Variants in PRRX2 observed in about 807,000 individuals in gnomAD.
PRRX2 encodes paired mesoderm homeobox protein 2.
PRRX2 carries 11 observed loss-of-function variants against 18.0 expected under a neutral mutation model. That is an observed-to-expected ratio of 0.61 (90% CI 0.39 to 1.01). The LOEUF is 1.01. Among genes scored for constraint, PRRX2 ranks in the 50% least tolerant of loss-of-function variants. The probability of loss-of-function intolerance (pLI) is 0.01; values close to 1 mark genes in which losing one functional copy is unlikely to be tolerated. For missense variants in PRRX2, 387 were observed against 351.0 expected (o/e 1.10, Z -0.82); for synonymous variants, 177 against 154.8 (o/e 1.14, Z -1.06).
chr9:129,716,180 C>A lies in PRRX2; in HGVS notation c.260-3051C>A, dbSNP rs143381709. Among the ~76,000 whole-genome samples the A allele has an allele frequency of 1.7e-3, 264 of 152,286 alleles. 1 individual carries two copies. Among genetic ancestry groups the A allele is most frequent in the African/African-American group, 5.6e-3 (232 of 41,570 alleles). ...ACTCATTGGCCCAGAAATTCCACTT[C>A]TAGGAATCTGTCCTAAATATACACT... On this transcript the variant is annotated intron_variant, in intron 1 of 3. Coordinates refer to ENST00000372469, the MANE Select transcript of PRRX2 (RefSeq NM_016307.4).
intron 1 of PRRX2, among the ~76,000 whole-genome samples, chr9:129,696,726 T>A (rs889834889): frequency 3.3e-5 from 5 of 151,814 alleles, no homozygotes; most frequent in African/African-American, 1.2e-4. Flanking sequence ...TCCTGCAGAG[T>A]CCCCACAAAG....
At chr9:129,668,796 A>T (rs1002173292) in intron 1 of PRRX2, among the ~76,000 whole-genome samples, 5 of 150,684 alleles carry the variant, frequency 3.3e-5, no homozygotes, top group Non-Finnish European at 7.4e-5. Context: ...AAAAAAAAAA[A>T]AAGAAAGAAA....
At chr9:129,712,296 G>T (rs1832634051) in intron 1 of PRRX2, among the ~76,000 whole-genome samples, 2 of 152,212 alleles carry the variant, frequency 1.3e-5, no homozygotes, top group East Asian at 1.9e-4. Flanking sequence ...GGGGTCAGGC[G>T]CAAACTGACT....
At chr9:129,707,790 CA>C (rs34188002) in intron 1 of PRRX2, among the ~76,000 whole-genome samples, 341 of 118,580 alleles carry the variant, frequency 2.9e-3, no homozygotes, top group East Asian at 3.8e-3. Context: ...GACTGTGTCT[CA>C]AAAAAAAAAA....
chr9:129,706,657 G>T (rs1832561246), intron 1 of PRRX2, among the ~76,000 whole-genome samples: 1 of 152,180 alleles, frequency 6.6e-6, no homozygotes, highest in African/African-American at 2.4e-5. Flanking sequence ...GAGCCTAGGA[G>T]TTCGAGGCTG....
rs1832096185 is a variant in PRRX2, at chr9:129,671,242, C to T, written c.259+5116C>T. Among the ~76,000 whole-genome samples, 1 of 152,206 alleles carries T rather than the reference C, an allele frequency of 6.6e-6. No homozygotes were observed. The highest frequency in any genetic ancestry group is 1.5e-5 in the Non-Finnish European group (1 of 68,032). ...GGAGGGAGGAGGAGTGAGTGAGAGG[C>T]TGAGTGCCCAGGGGGCCTTCCGTTT... On this transcript the variant is annotated intron_variant, in intron 1 of 3. Coordinates refer to ENST00000372469, the MANE Select transcript of PRRX2 (RefSeq NM_016307.4). This position sits in a 1 kb window ranked among gnomAD's most constrained non-coding sequence, Gnocchi z 4.0.
chr9:129,718,361 A>G (rs1219687316), intron 1 of PRRX2, among the ~76,000 whole-genome samples: 1 of 152,062 alleles, frequency 6.6e-6, no homozygotes, highest in Non-Finnish European at 1.5e-5. Flanking sequence ...AGAGCTGAGC[A>G]TCCTCCCGTG....
At chr9:129,699,711 C>T (rs1832471250) in intron 1 of PRRX2, among the ~76,000 whole-genome samples, 1 of 152,178 alleles carries the variant, frequency 6.6e-6, no homozygotes, top group Non-Finnish European at 1.5e-5. Flanking sequence ...GTGACTGTGC[C>T]ATGGCTTTCT....
chr9:129,693,501 G>A (rs900924943), intron 1 of PRRX2, among the ~76,000 whole-genome samples: 3 of 152,002 alleles, frequency 2.0e-5, no homozygotes, highest in African/African-American at 7.2e-5. Flanking sequence ...GGCTGAGGCT[G>A]GAGAATCACT....
intron 1 of PRRX2, among the ~76,000 whole-genome samples, chr9:129,670,444 C>T (rs1050982485): frequency 6.6e-6 from 1 of 152,034 alleles, no homozygotes; most frequent in South Asian, 2.1e-4. Flanking sequence ...GTGTGATCTC[C>T]GCTCACTGCA....
chr9:129,719,208 T>TC (rs1192127532), intron 1 of PRRX2, 23 bp from the exon 2 acceptor site: 1 of 1,534,910 alleles, frequency 6.5e-7, no homozygotes, highest in African/African-American at 1.4e-5. Context: ...CTGCTGACCA[T>TC]CCCGCCCCCC....
intron 1 of PRRX2, among the ~76,000 whole-genome samples, chr9:129,700,090 C>G (rs974255510): frequency 6.6e-6 from 1 of 152,200 alleles, no homozygotes; most frequent in Admixed American, 6.5e-5. Flanking sequence ...TGATTTAGCA[C>G]TTACTACGTG....
At chr9:129,716,884 G>A (rs1267693280) in intron 1 of PRRX2, among the ~76,000 whole-genome samples, 1 of 152,110 alleles carries the variant, frequency 6.6e-6, no homozygotes, top group Non-Finnish European at 1.5e-5. Flanking sequence ...AGGGGAGAGG[G>A]AACAAGAGGG....
chr9:129,681,064 T>C (rs544598235), intron 1 of PRRX2, among the ~76,000 whole-genome samples: 1 of 152,380 alleles, frequency 6.6e-6, no homozygotes, highest in East Asian at 1.9e-4. Flanking sequence ...GGGTACTCCC[T>C]GCGTGCCTAG....
chr9:129,690,334 G>A (rs987129828), intron 1 of PRRX2, among the ~76,000 whole-genome samples: 19 of 152,060 alleles, frequency 1.2e-4, no homozygotes, highest in African/African-American at 4.3e-4. Flanking sequence ...GCTGCCCGGC[G>A]CAGGTGATGG....
rs150758633 is a variant in PRRX2 at position 129,687,015 on chromosome 9, C to T, written c.259+20889C>T. On this transcript the variant is annotated intron_variant, in intron 1 of 3. Coordinates refer to ENST00000372469, the MANE Select transcript of PRRX2 (RefSeq NM_016307.4). ...TTGATTGGCGCTGGCTGAGGGACAG[C>T]CACCTGCAGGGAAGCCCCCTGCAGA... 5.4e-3 allele frequency among the ~76,000 whole-genome samples: 826 copies of T among 152,178 alleles called. 5 individuals are homozygous for T. Among genetic ancestry groups the T allele is most frequent in the Non-Finnish European group, 6.9e-3 (471 of 67,988 alleles).
chr9:129,714,167 A>T (rs1289474464), intron 1 of PRRX2, among the ~76,000 whole-genome samples: 1 of 151,452 alleles, frequency 6.6e-6, no homozygotes, highest in African/African-American at 2.4e-5. Context: ...TTAGCCAGGC[A>T]TGTGGCGGAC....
chr9:129,681,864 C>A (rs1279058763), intron 1 of PRRX2, among the ~76,000 whole-genome samples: 3 of 152,198 alleles, frequency 2.0e-5, no homozygotes, highest in Admixed American at 6.5e-5. Context: ...TGCGGAAGAA[C>A]CTCCAGGTTC....
At chr9:129,681,453 G>A (rs1832229132) in intron 1 of PRRX2, among the ~76,000 whole-genome samples, 1 of 152,164 alleles carries the variant, frequency 6.6e-6, no homozygotes, top group Non-Finnish European at 1.5e-5. Flanking sequence ...CCGGGAGGTG[G>A]AGGTTGTAGT....
Sources: gnomAD v4.1 joint callset for allele counts (sites outside exome capture counted in the v4.1 genomes callset) on GRCh38, gnomAD v4.1.1 for gene constraint, Gnocchi (gnomAD v3.1) non-coding constraint, MANE v1.5 for transcripts, NCBI Gene and HGNC (gene_info 2026-07-23, HGNC 2026-07-21) for gene names.